Variants in YAF2 observed in about 807,000 individuals in gnomAD.
The protein encoded by YAF2 is YY1 associated factor 2.
YAF2 carries 7 observed loss-of-function variants against 20.1 expected under a neutral mutation model. The ratio of observed to expected loss-of-function variants is 0.35; its 90% CI spans 0.20 to 0.65. YAF2 has a LOEUF of 0.65. Among genes scored for constraint, YAF2 ranks in the 30% least tolerant of loss-of-function variants. YAF2 has a pLI of 0.69. For synonymous variants in YAF2, 74 were observed against 76.0 expected (o/e 0.97, Z 0.14); for missense variants, 151 against 219.2 (o/e 0.69, Z 1.96).
rs1353160077 is a variant in YAF2 at position 42,165,179 on chromosome 12, C to CTTG, written c.153-3415_153-3414insCAA. ...TGAACAAGACAAACATAGGCCCTGC[C>CTTG]CTCATGCGCTAAAAATTAAAAACAA... On this transcript the variant is annotated intron_variant, in intron 2 of 3. Coordinates refer to ENST00000534854, the MANE Select transcript of YAF2 (RefSeq NM_005748.6). 7.3e-5 allele frequency among the ~76,000 whole-genome samples: 11 copies of CTTG among 151,116 alleles called. 1 individual carries two copies. The East Asian group carries it at 2.1e-3, about 29-fold the overall frequency.
intron 2 of YAF2, among the ~76,000 whole-genome samples, chr12:42,191,540 CT>C (rs1457547774): frequency 6.6e-6 from 1 of 152,052 alleles, no homozygotes; most frequent in African/African-American, 2.4e-5. Context: ...ATCATGGGGC[CT>C]TTATACTTTT....
intron 2 of YAF2, among the ~76,000 whole-genome samples, chr12:42,229,583 T>C (rs930345531): frequency 6.6e-6 from 1 of 152,228 alleles, no homozygotes; most frequent in African/African-American, 2.4e-5. Flanking sequence ...TACATATACA[T>C]ACAGCCATGC....
chr12:42,235,322 T>C, intron 2 of YAF2: 2 of 998,022 alleles, frequency 2.0e-6, no homozygotes, highest in African/African-American at 3.5e-5. Context: ...ACTGAAACTT[T>C]TGCTTCTCAA....
intron 2 of YAF2, among the ~76,000 whole-genome samples, chr12:42,193,232 T>G (rs917970045): frequency 6.6e-6 from 1 of 151,532 alleles, no homozygotes; most frequent in Non-Finnish European, 1.5e-5. Context: ...GGCGAATCAC[T>G]TGAACTGGGG....
intron 2 of YAF2, among the ~76,000 whole-genome samples, chr12:42,170,014 G>T (rs566188110): frequency 3.9e-5 from 6 of 151,990 alleles, no homozygotes; most frequent in Non-Finnish European, 7.4e-5. Context: ...GGTACCACAG[G>T]CACGCATCAC....
At chr12:42,196,464 A>T (rs2066756046) in intron 2 of YAF2, among the ~76,000 whole-genome samples, 1 of 152,194 alleles carries the variant, frequency 6.6e-6, no homozygotes, top group Non-Finnish European at 1.5e-5. Context: ...ATGTTAAAGA[A>T]GATGTCCCTT....
chr12:42,210,521 G>A (rs1230902899), intron 2 of YAF2: 1 of 1,536,050 alleles, frequency 6.5e-7, no homozygotes, highest in South Asian at 1.2e-5. Flanking sequence ...GGAGATGCTA[G>A]AGACATGCTT....
chr12:42,235,598 GGT>G, intron 2 of YAF2: 1 of 1,448,266 alleles, frequency 6.9e-7, no homozygotes, highest in Non-Finnish European at 9.0e-7. Context: ...AGAGGGTCGT[GGT>G]GTAGAACACT....
rs935605083 is a variant in YAF2, at chr12:42,235,337, G to A, written c.152+2262C>T. ...ACTGAAACTTTTGCTTCTCAACACCGTTCTGCAGTCCTTTAATCTTGTTTT... is the reference window on the plus strand; with the variant it reads ...ACTGAAACTTTTGCTTCTCAACACCATTCTGCAGTCCTTTAATCTTGTTTT... On this transcript the variant is annotated intron_variant, in intron 2 of 3. Transcript: ENST00000534854. The A allele has an allele frequency of 3.8e-5, 38 of 1,008,870 alleles. No homozygotes were observed. The South Asian group carries it at 5.3e-4, about 14-fold the overall frequency. 62.5% of individuals were successfully genotyped at this position (1,008,870 alleles called of 1,614,324 possible).
At chr12:42,199,759 T>G (rs2066850352) in intron 2 of YAF2, among the ~76,000 whole-genome samples, 1 of 152,202 alleles carries the variant, frequency 6.6e-6, no homozygotes, top group South Asian at 2.1e-4. Flanking sequence ...GAAAACCAAC[T>G]GTACTATTCT....
chr12:42,228,154 G>A (rs1451886068), intron 2 of YAF2, among the ~76,000 whole-genome samples: 5 of 62,184 alleles, frequency 8.0e-5, no homozygotes, highest in Non-Finnish European at 1.2e-4. Context: ...GGTGGGGGGG[G>A]TCGGCCCCCC....
intron 2 of YAF2, among the ~76,000 whole-genome samples, chr12:42,215,530 G>A (rs2067328171): frequency 6.6e-6 from 1 of 152,188 alleles, no homozygotes; most frequent in African/African-American, 2.4e-5. Flanking sequence ...ATTAAAGAGT[G>A]CTATGATTCA....
chr12:42,208,628 C>T (rs1479491126), intron 2 of YAF2, among the ~76,000 whole-genome samples: 1 of 152,082 alleles, frequency 6.6e-6, no homozygotes, highest in East Asian at 1.9e-4. Flanking sequence ...AAATAAATTC[C>T]ATGAATTAAT....
At chr12:42,237,950 GC>G in intron 1 of YAF2, 1 of 454,184 alleles carries the variant, frequency 2.2e-6, no homozygotes, top group Non-Finnish European at 3.1e-6. Context: ...TGACACCCGG[GC>G]GGCCGCTCCG....
At chr12:42,203,557 T>C (rs2066956983) in intron 2 of YAF2, among the ~76,000 whole-genome samples, 2 of 152,164 alleles carry the variant, frequency 1.3e-5, no homozygotes, top group Non-Finnish European at 1.5e-5. Context: ...AAAAAAAAGC[T>C]CATTTCTGTT....
At chr12:42,228,624 C>CT (rs1199288443) in intron 2 of YAF2, among the ~76,000 whole-genome samples, 1 of 97,636 alleles carries the variant, frequency 1.0e-5, no homozygotes, top group Non-Finnish European at 2.0e-5. Flanking sequence ...GTCAGCCCCC[C>CT]GCCCGGCCAG....
At chr12:42,202,806 T>G (rs1340058539) in intron 2 of YAF2, among the ~76,000 whole-genome samples, 1 of 152,064 alleles carries the variant, frequency 6.6e-6, no homozygotes, top group Non-Finnish European at 1.5e-5. Flanking sequence ...GCCCAGCTAA[T>G]TTTTGTTTTT....
intron 2 of YAF2, among the ~76,000 whole-genome samples, chr12:42,170,994 T>C (rs1389314728): frequency 6.6e-6 from 1 of 152,096 alleles, no homozygotes; most frequent in Non-Finnish European, 1.5e-5. Flanking sequence ...TGTTTAGTTT[T>C]TTTTTGTTTT....
chr12:42,160,979 T>C (rs1036325431), intron 3 of YAF2, 153 bp from the exon 4 acceptor site: 3 of 624,328 alleles, frequency 4.8e-6, no homozygotes, highest in Non-Finnish European at 8.2e-6. Context: ...CATAAAATGT[T>C]TCAACTCATT....
Sources: allele counts gnomAD v4.1 joint callset (sites outside exome capture counted in the v4.1 genomes callset), GRCh38; gene constraint gnomAD v4.1.1; transcripts MANE v1.5; gene names NCBI Gene and HGNC (gene_info 2026-07-23, HGNC 2026-07-21).